CYP2C8: variants seen among roughly 807,000 people sequenced by gnomAD.
CYP2C8 encodes cytochrome P450 2C8.
Under a neutral mutation model 41.3 loss-of-function variants are expected in CYP2C8, and 51 were observed. That is an observed-to-expected ratio of 1.24 (90% CI 0.99 to 1.56). The LOEUF is 1.56. CYP2C8 is among the 40% of genes most tolerant of loss of function. The pLI is 0.00. For synonymous variants in CYP2C8, 218 were observed against 205.8 expected (o/e 1.06, Z -0.51); for missense variants, 651 against 579.9 (o/e 1.12, Z -1.26).
intron 6 of CYP2C8, among the ~76,000 whole-genome samples, chr10:95,044,976 A>C (rs1474366973): frequency 6.6e-6 from 1 of 152,192 alleles, no homozygotes; most frequent in African/African-American, 2.4e-5. Flanking sequence ...AAATTTGCCA[A>C]AGACTTATTG....
chr10:95,037,675 A>T (rs2032913730), intron 8 of CYP2C8, among the ~76,000 whole-genome samples: 1 of 152,144 alleles, frequency 6.6e-6, no homozygotes, highest in Non-Finnish European at 1.5e-5. Context: ...AAATACATGC[A>T]CATTCTTGTT....
chr10:95,041,937 G>A (rs2033010670), intron 7 of CYP2C8, among the ~76,000 whole-genome samples: 1 of 151,994 alleles, frequency 6.6e-6, no homozygotes, highest in Admixed American at 6.6e-5. Context: ...CTGGGGGCTG[G>A]GATTTTATGA....
intron 7 of CYP2C8, chr10:95,040,902 C>T (rs2032980962): frequency 4.4e-6 from 2 of 456,100 alleles, no homozygotes; most frequent in African/African-American, 4.0e-5. Context: ...AACAGACCCA[C>T]ATTAGGGAAC....
At chr10:95,047,903 G>A (rs2033139892) in intron 5 of CYP2C8, among the ~76,000 whole-genome samples, 1 of 152,302 alleles carries the variant, frequency 6.6e-6, no homozygotes, top group South Asian at 2.1e-4. Flanking sequence ...GGGACCTTGT[G>A]TGAACAAGGT....
At chr10:95,067,430 T>C in intron 2 of CYP2C8, 73 bp from the exon 3 acceptor site, 1 of 1,613,196 alleles carries the variant, frequency 6.2e-7, no homozygotes, top group Non-Finnish European at 8.5e-7. Flanking sequence ...TTGGCAGCCA[T>C]GCAGATAGGC....
Position 95,037,047 on chromosome 10 carries a change from A to T in CYP2C8, c.*81T>A. 1 of 1,294,082 alleles carries T rather than the reference A, an allele frequency of 7.7e-7. No individual in the cohort carries two copies. Among genetic ancestry groups the T allele is most frequent in the South Asian group, 1.2e-5 (1 of 82,340 alleles). 80.2% of individuals were successfully genotyped at this position (1,294,082 alleles called of 1,614,324 possible). A position where few individuals can be genotyped will look rare whatever the true frequency, so the allele number is the denominator to read the frequency against. The stretch of plus-strand genomic sequence containing the variant: ...GGGAAGATTTGATGAGAGGTCAGAG[A>T]AGACATAATAGTGGGAATGTCCTTG... On this transcript the variant is annotated 3_prime_UTR_variant, in exon 9 of 9. Coordinates refer to ENST00000371270, the MANE Select transcript of CYP2C8 (RefSeq NM_000770.3).
chr10:95,068,737 C>G (rs1007648930), intron 1 of CYP2C8: 1 of 634,498 alleles, frequency 1.6e-6, no homozygotes, highest in Non-Finnish European at 2.5e-6. Context: ...CATCAACTCA[C>G]TCCGCTATTT....
Position 95,037,251 on chromosome 10 carries a change from G to A in CYP2C8, c.1350C>T (p.Thr450=), listed in dbSNP as rs145903792. ...TCAGGTTAAAGTTCTGTAAAATTGTGGTTAGAAATAAAAATAGCTCCATGC... is the reference window on the plus strand; with the variant it reads ...TCAGGTTAAAGTTCTGTAAAATTGTAGTTAGAAATAAAAATAGCTCCATGC... ...LARMELFLFL[T]TILQNFNLKS... is the part of the protein sequence containing the mutation. Residue 450 remains threonine, a synonymous_variant, in exon 9 of 9, where the codon ACC becomes ACT. Coordinates refer to ENST00000371270, the MANE Select transcript of CYP2C8 (RefSeq NM_000770.3). 3.2e-5 allele frequency: 51 copies of A among 1,613,620 alleles called. No homozygotes were observed. The highest frequency in any genetic ancestry group is 4.0e-5 in the Non-Finnish European group (47 of 1,179,820).
At position 95,067,635 on chromosome 10, in the gene CYP2C8, C is replaced by T. The variant is rs2033599995; in HGVS notation, c.225G>A (p.Val75=). 9 of 1,614,040 alleles carry T rather than the reference C, an allele frequency of 5.6e-6. No individual in the cohort carries two copies. Among genetic ancestry groups the T allele is most frequent in the Non-Finnish European group, 7.6e-6 (9 of 1,179,938 alleles). The part of the protein sequence containing the change: ...FTVYFGMNPI[V]VFHGYEAVKE... ...TCACTGCCTCATATCCATGAAACACCACTATGGGATTCATGCCAAAATACA... is the reference window on the plus strand; with the variant it reads ...TCACTGCCTCATATCCATGAAACACTACTATGGGATTCATGCCAAAATACA... Residue 75 remains valine (V), a synonymous_variant, in exon 2 of 9, where the codon GTG becomes GTA. Coordinates refer to ENST00000371270, the MANE Select transcript of CYP2C8 (RefSeq NM_000770.3).
At chr10:95,057,528 C>T (rs2033336810) in intron 5 of CYP2C8, among the ~76,000 whole-genome samples, 1 of 151,904 alleles carries the variant, frequency 6.6e-6, no homozygotes. Flanking sequence ...GCTTTGAGGA[C>T]TCATACTTTT....
At chr10:95,039,224 C>T in intron 7 of CYP2C8, 186 bp from the exon 8 acceptor site, 1 of 606,704 alleles carries the variant, frequency 1.6e-6, no homozygotes, top group Non-Finnish European at 2.9e-6. Flanking sequence ...TTTCCAATCA[C>T]ATTTGAAGTC....
chr10:95,040,748 C>T (rs1330817647), intron 7 of CYP2C8, among the ~76,000 whole-genome samples: 1 of 152,168 alleles, frequency 6.6e-6, no homozygotes, highest in African/African-American at 2.4e-5. Flanking sequence ...GGAATGAATA[C>T]ATTCTGGAAA....
At chr10:95,042,495 G>C (rs2033023185) in intron 7 of CYP2C8, among the ~76,000 whole-genome samples, 1 of 152,100 alleles carries the variant, frequency 6.6e-6, no homozygotes, top group Non-Finnish European at 1.5e-5. Flanking sequence ...CTGAAAATAA[G>C]ACATTACTGA....
chr10:95,067,603 G>A lies in CYP2C8; in HGVS notation c.257C>T (p.Ala86Val), dbSNP rs1281410078. 1 of 1,614,102 alleles carries A rather than the reference G, an allele frequency of 6.2e-7. No individual in the cohort carries two copies. The highest frequency in any genetic ancestry group is 2.2e-5 in the East Asian group (1 of 44,878). Reference sequence around the variant, plus strand: ...AAACTCCTCTCCATTATCAATCAGGGCTTCCTTCACTGCCTCATATCCATG... The same window carrying A: ...AAACTCCTCTCCATTATCAATCAGGACTTCCTTCACTGCCTCATATCCATG... ...VFHGYEAVKE[A>V]LIDNGEEFSG... The change falls in exon 2 of 9, where the codon GCC becomes GTC. Residue 86 changes from alanine (A) to valine (V), a missense_variant. Transcript: ENST00000371270.
intron 1 of CYP2C8, among the ~76,000 whole-genome samples, chr10:95,068,268 A>G (rs938531465): frequency 6.6e-6 from 1 of 151,444 alleles, no homozygotes; most frequent in Non-Finnish European, 1.5e-5. Context: ...TGGTATTACC[A>G]ATATGGAACG....
intron 5 of CYP2C8, among the ~76,000 whole-genome samples, chr10:95,048,088 C>T (rs537533540): frequency 3.2e-4 from 48 of 152,202 alleles, no homozygotes; most frequent in African/African-American, 1.2e-3. Flanking sequence ...TTCACCTCTG[C>T]CAGCTTCTTT....
rs1437372954 is a variant in CYP2C8 at position 95,069,356 on chromosome 10, A to G, written c.47T>C (p.Leu16Pro). The G allele has an allele frequency of 6.2e-7, 1 of 1,614,148 alleles. No individual in the cohort carries two copies. The highest frequency in any genetic ancestry group is 8.5e-7 in the Non-Finnish European group (1 of 1,180,030). The change falls in exon 1 of 9, where the codon CTC becomes CCC. Residue 16 changes from leucine to proline, a missense_variant. By Grantham distance (98) the Leu-to-Pro change is moderately conservative. Coordinates refer to ENST00000371270, the MANE Select transcript of CYP2C8 (RefSeq NM_000770.3). ...VLVLCLSFMLLFSLWRQSCRR... is the reference protein window; with the variant it reads ...VLVLCLSFMLPFSLWRQSCRR... Reference sequence around the variant, plus strand: ...ACAGCTCTGTCTCCAGAGTGAAAAGAGAAGCATAAAAGAGAGACACAGCAC... The same window carrying G: ...ACAGCTCTGTCTCCAGAGTGAAAAGGGAAGCATAAAAGAGAGACACAGCAC...
intron 5 of CYP2C8, among the ~76,000 whole-genome samples, chr10:95,049,359 G>A (rs1045895990): frequency 2.0e-5 from 3 of 152,140 alleles, no homozygotes; most frequent in African/African-American, 7.2e-5. Flanking sequence ...GAAATGAAGA[G>A]ATAGAAAAAA....
chr10:95,058,364 TAA>T lies in CYP2C8; in HGVS notation c.788_789del (p.Phe263TyrfsTer22). On this transcript the variant is annotated frameshift_variant, in exon 5 of 9. Transcript: ENST00000371270. LOFTEE classifies it high-confidence loss of function. Reference sequence around the variant, plus strand: ...TCCATTTTGATCAGGAAGCAATCGATAAAGTCCCGAGGATTGTTAACATCCAG... The same window carrying T: ...TCCATTTTGATCAGGAAGCAATCGATAGTCCCGAGGATTGTTAACATCCAG... The part of the protein sequence containing the change: ...ASLDVNNPRD[F>X]IDCFLIKMEQ... 3.1e-6 allele frequency: 5 copies of T among 1,613,436 alleles called. No individual in the cohort carries two copies. The highest frequency in any genetic ancestry group is 4.2e-6 in the Non-Finnish European group (5 of 1,179,596).
Sources: gnomAD v4.1 joint callset for allele counts (sites outside exome capture counted in the v4.1 genomes callset) on GRCh38, gnomAD v4.1.1 for gene constraint, MANE v1.5 for transcripts, NCBI Gene and HGNC (gene_info 2026-07-23, HGNC 2026-07-21) for gene names.